The following ADAMTS6 variants were observed in gnomAD, a reference collection of about 807,000 sequenced individuals.
The protein encoded by ADAMTS6 is A disintegrin and metalloproteinase with thrombospondin motifs 6.
ADAMTS6 carries 23 observed loss-of-function variants against 144.3 expected under a neutral mutation model. The observed-to-expected ratio is 0.16, with a 90% CI of 0.11 to 0.23. ADAMTS6 has a LOEUF of 0.23. Among genes scored for constraint, ADAMTS6 ranks in the 10% least tolerant of loss-of-function variants. ADAMTS6 has a pLI of 1.00. For missense variants in ADAMTS6, 999 were observed against 1,379.6 expected (o/e 0.72, Z 4.37); for synonymous variants, 444 against 457.5 (o/e 0.97, Z 0.38).
intron 7 of ADAMTS6, among the ~76,000 whole-genome samples, chr5:65,433,397 C>A (rs570183212): frequency 6.6e-6 from 1 of 152,044 alleles, no homozygotes. Flanking sequence ...AACAAACAGA[C>A]GGCAAGAGCA....
chr5:65,402,993 G>T (rs142780174), intron 7 of ADAMTS6, among the ~76,000 whole-genome samples: 2 of 151,538 alleles, frequency 1.3e-5, no homozygotes, highest in East Asian at 3.9e-4. Flanking sequence ...ACCCATTCCA[G>T]TCAATCTTTC....
At chr5:65,275,405 AAGAAAG>A (rs1480296842) in intron 11 of ADAMTS6, among the ~76,000 whole-genome samples, 10 of 146,704 alleles carry the variant, frequency 6.8e-5, no homozygotes, top group African/African-American at 2.3e-4. Context: ...GAAAGAAAGA[AAGAAAG>A]AAAGAAAAGA....
chr5:65,467,123 T>G (rs1760089958), intron 3 of ADAMTS6, among the ~76,000 whole-genome samples: 1 of 151,006 alleles, frequency 6.6e-6, no homozygotes, highest in Admixed American at 6.6e-5. Flanking sequence ...CTGCTGTAAT[T>G]TTTTAATCAA....
At chr5:65,268,726 T>G (rs1761827871) in intron 12 of ADAMTS6, among the ~76,000 whole-genome samples, 1 of 152,214 alleles carries the variant, frequency 6.6e-6, no homozygotes, top group South Asian at 2.1e-4. Context: ...TTTAATTTTT[T>G]GGCCATATTT....
At chr5:65,209,847 T>G (rs1336443710) in intron 20 of ADAMTS6, 1 of 152,170 alleles carries the variant, frequency 6.6e-6, no homozygotes, top group Admixed American at 6.5e-5. Flanking sequence ...ATGGAGTATC[T>G]CAGTTAAGAA....
chr5:65,378,663 C>A (rs1751768697), intron 7 of ADAMTS6, among the ~76,000 whole-genome samples: 1 of 152,160 alleles, frequency 6.6e-6, no homozygotes, highest in African/African-American at 2.4e-5. Flanking sequence ...CATACTTCTT[C>A]TAAATAACCT....
At chr5:65,206,194 G>GA (rs571448752) in intron 20 of ADAMTS6, among the ~76,000 whole-genome samples, 12 of 149,894 alleles carry the variant, frequency 8.0e-5, no homozygotes, top group South Asian at 2.1e-4. Flanking sequence ...CCCCAAGACA[G>GA]AAAAAAAAAG....
chr5:65,206,416 G>A (rs1040876631), intron 20 of ADAMTS6, among the ~76,000 whole-genome samples: 1 of 152,112 alleles, frequency 6.6e-6, no homozygotes, highest in Non-Finnish European at 1.5e-5. Context: ...ATCTCAAAGA[G>A]TAGAAACCAG....
At chr5:65,320,682 A>C (rs113172879) in intron 9 of ADAMTS6, among the ~76,000 whole-genome samples, 1 of 151,920 alleles carries the variant, frequency 6.6e-6, no homozygotes, top group African/African-American at 2.4e-5. Context: ...AAAGCCTAGT[A>C]CCCGTTAGTT....
intron 14 of ADAMTS6, among the ~76,000 whole-genome samples, chr5:65,242,852 T>C (rs1759313179): frequency 6.6e-6 from 1 of 152,136 alleles, no homozygotes; most frequent in Non-Finnish European, 1.5e-5. Context: ...CATGTACATT[T>C]GTTTGAGGTG....
intron 15 of ADAMTS6, among the ~76,000 whole-genome samples, chr5:65,230,301 T>TG (rs1199255028): frequency 1.0e-4 from 9 of 89,700 alleles, no homozygotes; most frequent in African/African-American, 4.5e-4. Flanking sequence ...TATATATATA[T>TG]ATATATATAT....
rs182517436 is a variant in ADAMTS6 at position 65,304,518 on chromosome 5, G to A, written c.1224-4387C>T. Among the ~76,000 whole-genome samples the A allele has an allele frequency of 3.1e-3, 471 of 152,130 alleles. 3 individuals carry two copies. The highest frequency in any genetic ancestry group is 0.011 in the African/African-American group (455 of 41,528). On this transcript the variant is annotated intron_variant, in intron 9 of 24. Transcript: ENST00000381055. The stretch of plus-strand genomic sequence containing the variant: ...CGCAATCATGGCTCACTGCAGCCTC[G>A]ACCTCCTGTGCTCAAGCAGTCCTCC...
In ADAMTS6 at chr5:65,280,752, G is replaced by T. The variant is rs1228693591; in HGVS notation, c.1513-7305C>A. ...TTTTCATACCTGAAGGAATGATTGT[G>T]TTTACTATTTGTCCTGTTGTTGAAA... On this transcript the variant is annotated intron_variant, in intron 11 of 24. Coordinates refer to ENST00000381055, the MANE Select transcript of ADAMTS6 (RefSeq NM_197941.4). Among the ~76,000 whole-genome samples the T allele has an allele frequency of 5.3e-5, 8 of 152,278 alleles. No individual in the cohort carries two copies. The East Asian group carries it at 1.5e-3, about 29-fold the overall frequency.
chr5:65,244,540 A>C (rs1759468419), intron 14 of ADAMTS6, among the ~76,000 whole-genome samples: 1 of 152,166 alleles, frequency 6.6e-6, no homozygotes, highest in Non-Finnish European at 1.5e-5. Context: ...AACCACTCTC[A>C]GGGTGAGCAT....
rs201699293 is a variant in ADAMTS6 at position 65,275,448 on chromosome 5, GAGAA to G, written c.1513-2005_1513-2002del. Among the ~76,000 whole-genome samples the G allele has an allele frequency of 2.4e-3, 362 of 149,988 alleles. 5 individuals carry two copies. Among genetic ancestry groups the G allele is most frequent in the South Asian group, 7.4e-3 (35 of 4,722 alleles). ...AGAAAGAAAGAAAAGAAAAAAGAAA[GAGAA>G]AGAAAGAAAGAAAGAGAAAGAAAGG... On this transcript the variant is annotated intron_variant, in intron 11 of 24. Transcript: ENST00000381055.
Position 65,481,371 on chromosome 5 carries a change from G to GT in ADAMTS6, c.-309dup, listed in dbSNP as rs1580809726. 6.6e-6 allele frequency: 1 copy of GT among 150,534 alleles called. No homozygotes were observed. Among genetic ancestry groups the GT allele is most frequent in the East Asian group, 1.9e-4 (1 of 5,182 alleles). The allele number at this position is 150,534 out of a possible 1,614,324, so 9.3% of individuals were successfully genotyped here. On this transcript the variant is annotated 5_prime_UTR_variant, in exon 1 of 25. Coordinates refer to ENST00000381055, the MANE Select transcript of ADAMTS6 (RefSeq NM_197941.4). ...TTTCATCTTCAAATTCTGATAAAAA[G>GT]TAAGTTTCAGACAATAGAGATTGCA...
intron 11 of ADAMTS6, among the ~76,000 whole-genome samples, chr5:65,278,363 G>T (rs755307503): frequency 6.6e-6 from 1 of 152,162 alleles, no homozygotes; most frequent in Non-Finnish European, 1.5e-5. Context: ...GGGATTGCTA[G>T]ATCAAAAGGC....
At chr5:65,329,643 G>T (rs1343639115) in intron 8 of ADAMTS6, among the ~76,000 whole-genome samples, 160 bp from the exon 9 acceptor site, 1 of 152,134 alleles carries the variant, frequency 6.6e-6, no homozygotes, top group Non-Finnish European at 1.5e-5. Flanking sequence ...TCACTGGGGG[G>T]AATTTCACTT....
chr5:65,154,056 A>C (rs1752272724), intron 24 of ADAMTS6, among the ~76,000 whole-genome samples: 2 of 152,020 alleles, frequency 1.3e-5, no homozygotes, highest in Non-Finnish European at 2.9e-5. Flanking sequence ...AAAAATACAA[A>C]AATTAGCCAG....
Sources: allele counts gnomAD v4.1 joint callset (sites outside exome capture counted in the v4.1 genomes callset), GRCh38; gene constraint gnomAD v4.1.1; transcripts MANE v1.5; gene names NCBI Gene and HGNC (gene_info 2026-07-23, HGNC 2026-07-21).